The following TRIM66 variants were observed in gnomAD, a reference collection of about 807,000 sequenced individuals.
The protein encoded by TRIM66 is tripartite motif containing 66, also known as tripartite motif-containing protein 66.
Under a neutral mutation model 148.2 loss-of-function variants are expected in TRIM66, and 99 were observed. That is an observed-to-expected ratio of 0.67 (90% confidence interval 0.57 to 0.79). The LOEUF (loss-of-function observed/expected upper bound fraction) is 0.79, where lower values mean the gene tolerates loss of function less well. Ranked by LOEUF, TRIM66 falls within the 30% of genes least tolerant of loss-of-function variation. TRIM66 has a pLI of 0.00. For synonymous variants in TRIM66, 616 were observed against 635.9 expected (o/e 0.97, Z 0.47); for missense variants, 1,666 against 1,697.9 (o/e 0.98, Z 0.33).
chr11:8,662,962 T>C (rs2038357267), intron 6 of TRIM66, among the ~76,000 whole-genome samples: 1 of 152,222 alleles, frequency 6.6e-6, no homozygotes, highest in Non-Finnish European at 1.5e-5. Flanking sequence ...AGTGGCCAAC[T>C]TTCCAGACAG....
intron 6 of TRIM66, among the ~76,000 whole-genome samples, chr11:8,666,883 C>T (rs1285133422): frequency 6.6e-6 from 1 of 152,192 alleles, no homozygotes; most frequent in South Asian, 2.1e-4. Context: ...GATCTCAGCT[C>T]ACTGCAACCT....
At chr11:8,636,567 G>A (rs2035899959) in intron 15 of TRIM66, among the ~76,000 whole-genome samples, 1 of 151,996 alleles carries the variant, frequency 6.6e-6, no homozygotes, top group Admixed American at 6.5e-5. Context: ...TGGGAGCATG[G>A]GAAAACACCT....
chr11:8,620,545 G>T lies in TRIM66; in HGVS notation c.3573C>A (p.Arg1191=). The T allele has an allele frequency of 3.2e-6, 5 of 1,551,778 alleles. No individual in the cohort carries two copies. Among genetic ancestry groups the T allele is most frequent in the Non-Finnish European group, 4.4e-6 (5 of 1,147,032 alleles). The change falls in exon 21 of 25, where the codon CGC becomes CGA. Residue 1191 remains arginine, a synonymous_variant. Coordinates refer to ENST00000646038, the MANE Select transcript of TRIM66 (RefSeq NM_001388022.1). ...ACTCCATCTCGGGCTGGGTCAGGCTGCGGCACAAGGTACACACCCACTCTC... is the reference window on the plus strand; with the variant it reads ...ACTCCATCTCGGGCTGGGTCAGGCTTCGGCACAAGGTACACACCCACTCTC... ...PGGEWVCTLC[R]SLTQPEMEYD...
chr11:8,628,140 A>C (rs965725738), intron 15 of TRIM66, among the ~76,000 whole-genome samples: 5 of 151,948 alleles, frequency 3.3e-5, no homozygotes, highest in Non-Finnish European at 5.9e-5. Context: ...CCTGAATGGT[A>C]AATCTATTTT....
At chr11:8,662,883 AG>A (rs2038352198) in intron 6 of TRIM66, among the ~76,000 whole-genome samples, 1 of 152,218 alleles carries the variant, frequency 6.6e-6, no homozygotes, top group Admixed American at 6.5e-5. Flanking sequence ...ATATGGTAAG[AG>A]TCAGTTTCAG....
At chr11:8,649,715 G>C in intron 8 of TRIM66, 25 bp downstream of exon 8, 1 of 1,549,958 alleles carries the variant, frequency 6.5e-7, no homozygotes, top group Non-Finnish European at 8.7e-7. Flanking sequence ...GCATGGGAGT[G>C]GGCAGGGAGA....
intron 6 of TRIM66, among the ~76,000 whole-genome samples, chr11:8,655,677 G>C (rs2037764469): frequency 6.6e-6 from 1 of 152,056 alleles, no homozygotes; most frequent in Non-Finnish European, 1.5e-5. Flanking sequence ...CCAGCCTCGG[G>C]AGGCCAAGGC....
Position 8,621,065 on chromosome 11 carries a change from G to A in TRIM66, c.3512C>T (p.Ser1171Phe). 2 of 1,551,720 alleles carry A rather than the reference G, an allele frequency of 1.3e-6. No individual in the cohort carries two copies. The highest frequency in any genetic ancestry group is 1.2e-5 in the South Asian group (1 of 84,068). ...GCTGAGCAAGGCTGGCACATGGCAG[G>A]AGAGGTGGAACACTTTGGGGCAGCG... ...CDRCPKVFHLSCHVPALLSFP... is the reference protein window; with the variant it reads ...CDRCPKVFHLFCHVPALLSFP... The change falls in exon 20 of 25, where the codon TCC becomes TTC. Residue 1171 changes from serine to phenylalanine, a missense_variant. Coordinates refer to ENST00000646038, the MANE Select transcript of TRIM66 (RefSeq NM_001388022.1).
chr11:8,624,837 T>C lies in TRIM66; in HGVS notation c.2702A>G (p.Gln901Arg). The C allele has an allele frequency of 6.4e-7, 1 of 1,551,774 alleles. No homozygotes were observed. The highest frequency in any genetic ancestry group is 8.7e-7 in the Non-Finnish European group (1 of 1,147,008). The change falls in exon 16 of 25, where the codon CAG becomes CGG. Residue 901 changes from glutamine to arginine, a missense_variant. By Grantham distance (43) the Gln-to-Arg change is conservative. Around this residue, in one of 3 missense-constraint regions of TRIM66, gnomAD observed 1,431 missense variants for 1,412.4 expected, o/e 1.01. Transcript: ENST00000646038. The stretch of plus-strand genomic sequence containing the variant: ...CATGTCAGAAACTGGAGGGATGCTC[T>C]GCAGAGGACAAGTTGCCAGACTCGG... ...AVPSLATCPL[Q>R]SIPPVSDMQP...
At chr11:8,652,981 G>C (rs776744322) in intron 6 of TRIM66, among the ~76,000 whole-genome samples, 2 of 152,208 alleles carry the variant, frequency 1.3e-5, no homozygotes, top group African/African-American at 4.8e-5. Flanking sequence ...ATGTAAAATA[G>C]GGAAAATAAG....
Position 8,640,438 on chromosome 11 carries a change from C to A in TRIM66, c.1937G>T (p.Cys646Phe), listed in dbSNP as rs1395081676. The A allele has an allele frequency of 6.4e-7, 1 of 1,551,218 alleles. No individual in the cohort carries two copies. Among genetic ancestry groups the A allele is most frequent in the Non-Finnish European group, 8.7e-7 (1 of 1,146,924 alleles). Reference sequence around the variant, plus strand: ...ATGCATTATGTCCATGTTCTGAGAACAGGCAGGGCCAGGAGGGCTCTCGTG... The same window carrying A: ...ATGCATTATGTCCATGTTCTGAGAAAAGGCAGGGCCAGGAGGGCTCTCGTG... ...SQHESPPGPACSQNMDIMHHK... is the reference protein window; with the variant it reads ...SQHESPPGPAFSQNMDIMHHK... The change falls in exon 14 of 25, where the codon TGT becomes TTT. Residue 646 changes from cysteine to phenylalanine, a missense_variant. Transcript: ENST00000646038.
At chr11:8,676,632 A>C (rs1592218636) in intron 3 of TRIM66, among the ~76,000 whole-genome samples, 1 of 152,224 alleles carries the variant, frequency 6.6e-6, no homozygotes. Context: ...ATGAAAGTAA[A>C]TGGTTAATTT....
In TRIM66 at chr11:8,622,365, C is replaced by CACACACACACACATATATATAT; in HGVS notation, c.3080+450_3080+451insATATATATATGTGTGTGTGTGT. ...ACACACACACACACACACACACACA[C>CACACACACACACATATATATAT]ATATATATATATATATATCTCCTAC... is the stretch of plus-strand genomic sequence containing the variant. On this transcript the variant is annotated intron_variant, in intron 18 of 24. Coordinates refer to ENST00000646038, the MANE Select transcript of TRIM66 (RefSeq NM_001388022.1). Among the ~76,000 whole-genome samples the CACACACACACACATATATATAT allele has an allele frequency of 7.9e-4, 47 of 59,586 alleles. 2 individuals are homozygous for CACACACACACACATATATATAT. Among genetic ancestry groups the CACACACACACACATATATATAT allele is most frequent in the Non-Finnish European group, 1.2e-3 (31 of 25,580 alleles). The allele number at this position is 59,586 out of a possible 152,430, so 39.1% of individuals were successfully genotyped here.
chr11:8,647,897 G>T, intron 10 of TRIM66, 73 bp downstream of exon 10: 2 of 1,168,550 alleles, frequency 1.7e-6, no homozygotes, highest in Non-Finnish European at 2.5e-6. Flanking sequence ...TACATCTGAC[G>T]GCCTGGTGTT....
At chr11:8,636,020 C>G (rs1461407876) in intron 15 of TRIM66, among the ~76,000 whole-genome samples, 2 of 152,224 alleles carry the variant, frequency 1.3e-5, no homozygotes, top group Admixed American at 1.3e-4. Context: ...AAGATCTGAT[C>G]TAACTTACCC....
chr11:8,665,641 G>T (rs1453382047), intron 6 of TRIM66, among the ~76,000 whole-genome samples: 1 of 152,084 alleles, frequency 6.6e-6, no homozygotes, highest in East Asian at 1.9e-4. Context: ...CACCACATAG[G>T]GTCCTAATAG....
At chr11:8,680,488 T>C (rs182008544) in intron 1 of TRIM66, among the ~76,000 whole-genome samples, 88 of 151,984 alleles carry the variant, frequency 5.8e-4, no homozygotes, top group Admixed American at 3.1e-3. Flanking sequence ...AGGAAGCACA[T>C]TGGGGAGATA....
intron 8 of TRIM66, among the ~76,000 whole-genome samples, 199 bp downstream of exon 8, chr11:8,649,541 A>AC (rs1321621030): frequency 1.3e-5 from 2 of 151,886 alleles, no homozygotes; most frequent in East Asian, 3.9e-4. Flanking sequence ...ACACTCATCC[A>AC]CCCCCACCAT....
Position 8,674,864 on chromosome 11 carries a change from A to T in TRIM66, c.-170T>A, listed in dbSNP as rs2039104697. ...TGTTCACAGTATATGAGGAAAATCC[A>T]GTCTCACACAGACATACAGCTGGAA... On this transcript the variant is annotated 5_prime_UTR_variant, in exon 4 of 25. Coordinates refer to ENST00000646038, the MANE Select transcript of TRIM66 (RefSeq NM_001388022.1). 6.6e-6 allele frequency: 1 copy of T among 152,238 alleles called. No homozygotes were observed. Among genetic ancestry groups the T allele is most frequent in the Admixed American group, 6.5e-5 (1 of 15,284 alleles). 9.4% of individuals were successfully genotyped at this position (152,238 alleles called of 1,614,324 possible). A position where few individuals can be genotyped will look rare whatever the true frequency, so the allele number is the denominator to read the frequency against.
Sources: allele counts gnomAD v4.1 joint callset (sites outside exome capture counted in the v4.1 genomes callset), GRCh38; gene constraint gnomAD v4.1.1; regional missense constraint gnomAD v4.1.1; transcripts MANE v1.5; gene names NCBI Gene and HGNC (gene_info 2026-07-23, HGNC 2026-07-21).